VPS13C: variants seen among roughly 807,000 people sequenced by gnomAD.
VPS13C encodes vacuolar protein sorting 13 homolog C.
A neutral mutation model predicts 456.8 loss-of-function variants in VPS13C; 358 were observed. The observed-to-expected ratio is 0.78, with a 90% CI of 0.72 to 0.86. The LOEUF is 0.86. Ranked by LOEUF, VPS13C falls within the 40% of genes least tolerant of loss-of-function variation. VPS13C has a pLI of 0.00. For missense variants in VPS13C, 4,818 were observed against 4,385.4 expected (o/e 1.10, Z -2.79); for synonymous variants, 1,578 against 1,486.7 (o/e 1.06, Z -1.41).
At chr15:61,972,598 T>C (rs775944551) in intron 27 of VPS13C, 27 bp downstream of exon 27, 2 of 1,606,696 alleles carry the variant, frequency 1.2e-6, no homozygotes, top group Admixed American at 3.4e-5. Flanking sequence ...CCAGAATATA[T>C]CTATTTATAG....
chr15:62,029,389 C>T (rs2047738000), intron 5 of VPS13C, among the ~76,000 whole-genome samples: 1 of 152,120 alleles, frequency 6.6e-6, no homozygotes, highest in South Asian at 2.1e-4. Flanking sequence ...CATCCAACTA[C>T]TCTCTATCAG....
In VPS13C at chr15:61,927,318, C is replaced by T; in HGVS notation, c.6289G>A (p.Asp2097Asn). 1 of 1,611,148 alleles carries T rather than the reference C, an allele frequency of 6.2e-7. No individual in the cohort carries two copies. Among genetic ancestry groups the T allele is most frequent in the Non-Finnish European group, 8.5e-7 (1 of 1,178,314 alleles). ...ATGKVKIEKDDSVRPNMTLKA... is the reference protein window; with the variant it reads ...ATGKVKIEKDNSVRPNMTLKA... Reference sequence around the variant, plus strand: ...AAAGTCATATTTGGTCTAACAGAGTCATCTGAAGAAACAAGCAACAGGAAC... The same window carrying T: ...AAAGTCATATTTGGTCTAACAGAGTTATCTGAAGAAACAAGCAACAGGAAC... Residue 2097 changes from aspartate (D) to asparagine (N), a missense_variant and splice_region_variant, in exon 52 of 85, where the codon GAC becomes AAC. Asp to Asn is a conservative substitution (Grantham distance 23). This residue lies in a region of VPS13C where 4,552 missense variants were observed against 4,130.6 expected (regional missense o/e 1.10). Coordinates refer to ENST00000644861, the MANE Select transcript of VPS13C (RefSeq NM_020821.3).
intron 16 of VPS13C, among the ~76,000 whole-genome samples, chr15:61,998,786 T>C (rs929967356): frequency 3.3e-5 from 5 of 152,178 alleles, no homozygotes; most frequent in East Asian, 1.9e-4. Context: ...AGTACACTTA[T>C]ACAAGGATTT....
rs993914653 is a variant in VPS13C at position 61,938,275 on chromosome 15, G to C, written c.5602-1525C>G. 5.9e-5 allele frequency among the ~76,000 whole-genome samples: 9 copies of C among 151,344 alleles called. No individual in the cohort carries two copies. The South Asian group carries it at 1.9e-3, about 31-fold the overall frequency. On this transcript the variant is annotated intron_variant, in intron 47 of 84. Coordinates refer to ENST00000644861, the MANE Select transcript of VPS13C (RefSeq NM_020821.3). ...CTCTTTCACTTTGCTGTGGGGTGGG[G>C]GGGGAACAAGTATGAAGGACAATTT... is the stretch of plus-strand genomic sequence containing the variant.
chr15:62,052,672 CAAAA>C (rs35444089), intron 1 of VPS13C, among the ~76,000 whole-genome samples: 1 of 70,538 alleles, frequency 1.4e-5, no homozygotes, highest in South Asian at 4.9e-4. Flanking sequence ...GACTCCGTCT[CAAAA>C]AAAAAAAAAA....
intron 16 of VPS13C, among the ~76,000 whole-genome samples, chr15:61,998,347 C>T: frequency 6.6e-6 from 1 of 152,112 alleles, no homozygotes; most frequent in Non-Finnish European, 1.5e-5. Context: ...TATTGAAGTA[C>T]TTATTAACCT....
At chr15:61,957,470 G>C (rs1264057547) in intron 37 of VPS13C, among the ~76,000 whole-genome samples, 3 of 152,022 alleles carry the variant, frequency 2.0e-5, no homozygotes, top group Non-Finnish European at 4.4e-5. Flanking sequence ...CAGTAAAATA[G>C]TTTTTTAATA....
At chr15:61,999,028 T>C (rs2046498163) in intron 16 of VPS13C, among the ~76,000 whole-genome samples, 1 of 152,228 alleles carries the variant, frequency 6.6e-6, no homozygotes, top group Admixed American at 6.5e-5. Context: ...CAACTATTTA[T>C]CAATAAGGCT....
intron 77 of VPS13C, among the ~76,000 whole-genome samples, chr15:61,874,018 G>A (rs1427909872): frequency 6.6e-6 from 1 of 151,386 alleles, no homozygotes; most frequent in East Asian, 1.9e-4. Context: ...ATGAAAACCG[G>A]TCATTCACAG....
intron 39 of VPS13C, 54 bp from the exon 40 acceptor site, chr15:61,951,078 T>C: frequency 8.2e-7 from 1 of 1,218,216 alleles, no homozygotes; most frequent in Non-Finnish European, 1.2e-6. Context: ...TCACACATTT[T>C]AAAACAGGAC....
intron 63 of VPS13C, 65 bp from the exon 64 acceptor site, chr15:61,910,370 C>T (rs1354444378): frequency 6.5e-6 from 8 of 1,232,298 alleles, no homozygotes; most frequent in Admixed American, 3.1e-5. Context: ...AAGACATTAC[C>T]TAATTAAATT....
intron 52 of VPS13C, among the ~76,000 whole-genome samples, chr15:61,925,833 T>C (rs1486563325): frequency 6.6e-6 from 1 of 152,220 alleles, no homozygotes; most frequent in Non-Finnish European, 1.5e-5. Context: ...TGTTTCTTTC[T>C]GCTAAAATAG....
At position 61,854,686 on chromosome 15, in the gene VPS13C, T is replaced by C. The variant is rs182788247; in HGVS notation, c.11161-128A>G. On this transcript the variant is annotated intron_variant, in intron 84 of 84. Coordinates refer to ENST00000644861, the MANE Select transcript of VPS13C (RefSeq NM_020821.3). ...CAACAGCTAAGGACCAAGGATACAG[T>C]CCAGATGTGTCATATAAAAATAAGA... The C allele has an allele frequency of 1.9e-5, 20 of 1,061,062 alleles. No individual in the cohort carries two copies. The East Asian group carries it at 3.2e-4, about 17-fold the overall frequency. 65.7% of individuals were successfully genotyped at this position (1,061,062 alleles called of 1,614,324 possible).
chr15:62,040,617 C>A (rs941715358), intron 3 of VPS13C, among the ~76,000 whole-genome samples: 2 of 151,966 alleles, frequency 1.3e-5, no homozygotes, highest in African/African-American at 2.4e-5. Flanking sequence ...AGTTCAATAT[C>A]TGAGTGACAG....
At chr15:61,981,210 C>T (rs2045875954) in intron 22 of VPS13C, 132 bp downstream of exon 22, 1 of 1,132,634 alleles carries the variant, frequency 8.8e-7, no homozygotes, top group African/African-American at 1.6e-5. Context: ...CCAAGCAAGG[C>T]TTGAAACACA....
rs768625162 is a variant in VPS13C at position 62,033,503 on chromosome 15, T to C, written c.323A>G (p.Gln108Arg). ...YDAVKEEKSL[Q>R]DVKQKELSRI... is the part of the protein sequence containing the mutation. ...GGATAGCTCTTTCTGTTTAACATCCTGCAAGGATTTTTCTTCTTTTACAGC... is the reference window on the plus strand; with the variant it reads ...GGATAGCTCTTTCTGTTTAACATCCCGCAAGGATTTTTCTTCTTTTACAGC... Residue 108 changes from glutamine to arginine, a missense_variant, in exon 5 of 85, where the codon CAG becomes CGG. By Grantham distance (43) the Gln-to-Arg change is conservative. Around this residue, in one of 3 missense-constraint regions of VPS13C, gnomAD observed 4,552 missense variants for 4,130.6 expected, o/e 1.10. Coordinates refer to ENST00000644861, the MANE Select transcript of VPS13C (RefSeq NM_020821.3). 2.5e-6 allele frequency: 4 copies of C among 1,607,562 alleles called. No individual in the cohort carries two copies. The highest frequency in any genetic ancestry group is 3.4e-6 in the Non-Finnish European group (4 of 1,176,520).
chr15:61,909,983 G>C (rs974636123), intron 64 of VPS13C, among the ~76,000 whole-genome samples, 194 bp downstream of exon 64: 3 of 118,836 alleles, frequency 2.5e-5, no homozygotes, highest in Admixed American at 9.7e-5. Context: ...GTTGTGGGGT[G>C]GGGGGAGGGG....
intron 21 of VPS13C, 99 bp from the exon 22 acceptor site, chr15:61,981,577 C>T: frequency 2.3e-6 from 3 of 1,309,780 alleles, no homozygotes; most frequent in Non-Finnish European, 1.0e-6. Context: ...AAAAGTATTA[C>T]AGGTCGGGTG....
intron 28 of VPS13C, among the ~76,000 whole-genome samples, chr15:61,967,871 A>G (rs1167427749): frequency 6.6e-6 from 1 of 152,008 alleles, no homozygotes; most frequent in Admixed American, 6.6e-5. Context: ...GATGTCCTTT[A>G]TATCCTGAGG....
Sources: allele counts gnomAD v4.1 joint callset (sites outside exome capture counted in the v4.1 genomes callset), GRCh38; gene constraint gnomAD v4.1.1; regional missense constraint gnomAD v4.1.1; transcripts MANE v1.5; gene names NCBI Gene and HGNC (gene_info 2026-07-23, HGNC 2026-07-21).